GAB2: variants seen among roughly 807,000 people sequenced by gnomAD.
The protein encoded by GAB2 is GRB2-associated-binding protein 2.
In GAB2, 26 loss-of-function variants were observed where a neutral mutation model predicts 65.5. That is an observed-to-expected ratio of 0.40 (90% CI 0.29 to 0.55). The LOEUF is 0.55. Among genes scored for constraint, GAB2 ranks in the 20% least tolerant of loss-of-function variants. The pLI is 0.53. For missense variants in GAB2, 884 were observed against 875.8 expected, an observed-to-expected ratio of 1.01 and a Z score of -0.12; for synonymous variants, 321 against 329.6, an observed-to-expected ratio of 0.97 and a Z score of 0.28.
intron 1 of GAB2, among the ~76,000 whole-genome samples, chr11:78,352,278 G>C (rs1856290390): frequency 1.3e-5 from 2 of 152,220 alleles, no homozygotes. Context: ...ACGGGGACTA[G>C]CTTTAAGGCT....
intron 3 of GAB2, among the ~76,000 whole-genome samples, chr11:78,240,393 C>T (rs1354091362): frequency 6.6e-6 from 1 of 151,244 alleles, no homozygotes; most frequent in East Asian, 1.9e-4. Flanking sequence ...CCCTGTGTTT[C>T]AGGGAAAAAG....
chr11:78,328,830 G>A (rs1855868366), intron 1 of GAB2, among the ~76,000 whole-genome samples: 1 of 151,768 alleles, frequency 6.6e-6, no homozygotes, highest in Non-Finnish European at 1.5e-5. Flanking sequence ...CTGGAACGAT[G>A]GTAATGTTTT....
intron 1 of GAB2, among the ~76,000 whole-genome samples, chr11:78,312,371 A>G (rs1008475294): frequency 1.5e-4 from 23 of 152,234 alleles, no homozygotes; most frequent in Admixed American, 3.9e-4. Flanking sequence ...TTTACATATA[A>G]GAGTTCATTC....
At chr11:78,250,494 A>G in intron 2 of GAB2, 94 bp from the exon 3 acceptor site, 1 of 1,137,274 alleles carries the variant, frequency 8.8e-7, no homozygotes. Context: ...GAGTAAGAGC[A>G]GAGAAAATAA....
intron 1 of GAB2, among the ~76,000 whole-genome samples, chr11:78,402,593 T>C (rs1565186339): frequency 1.1e-5 from 1 of 94,840 alleles, no homozygotes; most frequent in African/African-American, 4.2e-5. Flanking sequence ...GTAGCTGGGA[T>C]TACAGGCACG....
At chr11:78,264,223 A>G (rs886158745) in intron 2 of GAB2, among the ~76,000 whole-genome samples, 2 of 152,092 alleles carry the variant, frequency 1.3e-5, no homozygotes, top group African/African-American at 4.8e-5. Flanking sequence ...CTGACATATT[A>G]ACAATACTGA....
intron 2 of GAB2, among the ~76,000 whole-genome samples, chr11:78,264,164 G>A (rs1207445957): frequency 6.6e-6 from 1 of 152,016 alleles, no homozygotes; most frequent in Non-Finnish European, 1.5e-5. Context: ...CAAGCCTGCT[G>A]GGATCATGAC....
chr11:78,326,407 T>C (rs934366523), intron 1 of GAB2, among the ~76,000 whole-genome samples: 2 of 152,166 alleles, frequency 1.3e-5, no homozygotes, highest in East Asian at 1.9e-4. Flanking sequence ...GATTTCTTTA[T>C]AAAAGGAAAT....
At chr11:78,394,624 G>T (rs1224789596) in intron 1 of GAB2, among the ~76,000 whole-genome samples, 1 of 152,228 alleles carries the variant, frequency 6.6e-6, no homozygotes, top group African/African-American at 2.4e-5. Context: ...GCACCAATCT[G>T]GACAGAGGAA....
chr11:78,269,732 T>TC (rs1865963389), intron 2 of GAB2, among the ~76,000 whole-genome samples: 1 of 152,142 alleles, frequency 6.6e-6, no homozygotes, highest in Non-Finnish European at 1.5e-5. Flanking sequence ...ATTTACAAAA[T>TC]ATTTAAAGGG....
At chr11:78,300,516 T>TAA (rs138790128) in intron 1 of GAB2, among the ~76,000 whole-genome samples, 6 of 142,792 alleles carry the variant, frequency 4.2e-5, no homozygotes, top group African/African-American at 1.3e-4. Flanking sequence ...TTTAATTTTA[T>TAA]AAAAAAACAA....
chr11:78,225,128 C>T lies in GAB2; in HGVS notation c.1282G>A (p.Asp428Asn), dbSNP rs969758248. 5 of 1,612,288 alleles carry T rather than the reference C, an allele frequency of 3.1e-6. No homozygotes were observed. Among genetic ancestry groups the T allele is most frequent in the Non-Finnish European group, 4.2e-6 (5 of 1,178,456 alleles). ...SAGRSAESMS[D>N]GVGSFLPGKM... Reference sequence around the variant, plus strand: ...CTCACCAGGAAAGAGCCAACTCCATCACTCATGGATTCAGCAGACCGGCCT... The same window carrying T: ...CTCACCAGGAAAGAGCCAACTCCATTACTCATGGATTCAGCAGACCGGCCT... Residue 428 changes from aspartate (D) to asparagine (N), a missense_variant, in exon 5 of 10, where the codon GAT (aspartate) becomes AAT (asparagine). Transcript: ENST00000361507.
chr11:78,351,095 C>T (rs1053128822), intron 1 of GAB2, among the ~76,000 whole-genome samples: 7 of 152,138 alleles, frequency 4.6e-5, no homozygotes, highest in African/African-American at 1.7e-4. Flanking sequence ...CAACTGTCAG[C>T]TCAAAACCAT....
intron 1 of GAB2, among the ~76,000 whole-genome samples, chr11:78,300,711 T>TTG (rs1243940143): frequency 6.7e-6 from 1 of 148,460 alleles, no homozygotes; most frequent in Non-Finnish European, 1.5e-5. Flanking sequence ...TTTTTTTTTT[T>TTG]TGAGACAGAG....
At chr11:78,327,721 A>G (rs1284116029) in intron 1 of GAB2, among the ~76,000 whole-genome samples, 1 of 152,170 alleles carries the variant, frequency 6.6e-6, no homozygotes, top group Non-Finnish European at 1.5e-5. Flanking sequence ...AAATTTTGAA[A>G]ATAATAATAC....
At chr11:78,408,513 C>T (rs1857084071) in intron 1 of GAB2, among the ~76,000 whole-genome samples, 1 of 152,106 alleles carries the variant, frequency 6.6e-6, no homozygotes, top group African/African-American at 2.4e-5. Context: ...AATAAAGTGG[C>T]AGAACTAAGC....
At chr11:78,275,776 A>C (rs1866150836) in intron 2 of GAB2, among the ~76,000 whole-genome samples, 1 of 152,196 alleles carries the variant, frequency 6.6e-6, no homozygotes, top group Admixed American at 6.5e-5. Context: ...ACACTAAAAC[A>C]CACACAGATA....
intron 1 of GAB2, among the ~76,000 whole-genome samples, chr11:78,336,332 A>C (rs1236444894): frequency 9.6e-6 from 1 of 103,816 alleles, no homozygotes; most frequent in African/African-American, 6.3e-5. Flanking sequence ...CTCTCAAAAA[A>C]AAAAAAAAAA....
rs1233076382 is a variant in GAB2 at position 78,225,080 on chromosome 11, G to A, written c.1302+28C>T. 18 of 1,470,122 alleles carry A rather than the reference G, an allele frequency of 1.2e-5. No homozygotes were observed. The East Asian group carries it at 4.1e-4, about 33-fold the overall frequency. The allele number at this position is 1,470,122 out of a possible 1,614,324, so 91.1% of individuals were successfully genotyped here. On this transcript the variant is annotated intron_variant, in intron 5 of 9. Transcript: ENST00000361507. ...ACCTTTTACCTAACCAGGCCGGCCT[G>A]AGGACCCTTGGGTTAACCCACACTC...
Sources: gnomAD v4.1 joint callset for allele counts (sites outside exome capture counted in the v4.1 genomes callset) on GRCh38, gnomAD v4.1.1 for gene constraint, MANE v1.5 for transcripts, NCBI Gene and HGNC (gene_info 2026-07-23, HGNC 2026-07-21) for gene names.